The following DHX57 variants were observed in gnomAD, a reference collection of about 807,000 sequenced individuals.
DHX57 encodes the protein putative ATP-dependent RNA helicase DHX57.
In DHX57, 105 loss-of-function variants were observed where a neutral mutation model predicts 156.2. That is an observed-to-expected ratio of 0.67 (90% CI 0.57 to 0.79). DHX57 has a LOEUF of 0.79. Ranked by LOEUF, DHX57 falls within the 30% of genes least tolerant of loss-of-function variation. The pLI is 0.00. For synonymous variants in DHX57, 704 were observed against 595.6 expected, an observed-to-expected ratio of 1.18 and a Z score of -2.65; for missense variants, 1,847 against 1,661.9, an observed-to-expected ratio of 1.11 and a Z score of -1.94.
chr2:38,868,710 A>T (rs1296096357), intron 1 of DHX57, among the ~76,000 whole-genome samples: 3 of 152,248 alleles, frequency 2.0e-5, no homozygotes, highest in African/African-American at 7.2e-5. Context: ...TTCTAAACTA[A>T]AGATGTACAT....
chr2:38,826,664 A>G lies in DHX57; in HGVS notation c.2665T>C (p.Ser889Pro), dbSNP rs913864601. 1.2e-6 allele frequency: 2 copies of G among 1,614,054 alleles called. No homozygotes were observed. Among genetic ancestry groups the G allele is most frequent in the African/African-American group, 2.7e-5 (2 of 74,932 alleles). Residue 889 changes from serine to proline, a missense_variant, in exon 15 of 24, where the codon TCT becomes CCT. Physicochemically the swap from Ser to Pro is moderately conservative, Grantham distance 74. Coordinates refer to ENST00000457308, the MANE Select transcript of DHX57 (RefSeq NM_198963.3). ...GCCTGCTGCTCTTCACTGGATAAAGATGAATGAAGTGGGTGAATAACACAT... is the reference window on the plus strand; with the variant it reads ...GCCTGCTGCTCTTCACTGGATAAAGGTGAATGAAGTGGGTGAATAACACAT... ...NRCVIHPLHSSLSSEEQQAVF... is the reference protein window; with the variant it reads ...NRCVIHPLHSPLSSEEQQAVF...
At position 38,823,057 on chromosome 2, in the gene DHX57, G is replaced by A. The variant is rs1308569448; in HGVS notation, c.3227C>T (p.Ser1076Phe). The change falls in exon 17 of 24, where the codon TCT (serine) becomes TTT (phenylalanine). Residue 1076 changes from serine to phenylalanine, a missense_variant. Transcript: ENST00000457308. ...VRIGKLMLFG[S>F]IFRCLDPALT... ...AGCAGGATCCAAACAGCGGAAGATA[G>A]ACCCAAACAACATTAGTTTGCCAAT... 1 of 1,614,148 alleles carries A rather than the reference G, an allele frequency of 6.2e-7. No homozygotes were observed. Among genetic ancestry groups the A allele is most frequent in the Admixed American group, 1.7e-5 (1 of 59,998 alleles).
At chr2:38,801,312 C>T (rs1470045823) in intron 23 of DHX57, among the ~76,000 whole-genome samples, 1 of 152,202 alleles carries the variant, frequency 6.6e-6, no homozygotes, top group African/African-American at 2.4e-5. Flanking sequence ...GCAATCATGG[C>T]TCACTGAAGC....
At chr2:38,852,711 C>T (rs1672668839) in intron 9 of DHX57, among the ~76,000 whole-genome samples, 1 of 150,196 alleles carries the variant, frequency 6.7e-6, no homozygotes, top group Non-Finnish European at 1.5e-5. Context: ...CACTCCTGAA[C>T]TTAAGCAATC....
chr2:38,812,336 G>A (rs1192153716), intron 21 of DHX57, among the ~76,000 whole-genome samples: 1 of 152,144 alleles, frequency 6.6e-6, no homozygotes, highest in Admixed American at 6.5e-5. Flanking sequence ...CCATAAATCA[G>A]TCAGATGTTA....
chr2:38,813,751 A>G, intron 21 of DHX57, 70 bp downstream of exon 21: 1 of 1,539,626 alleles, frequency 6.5e-7, no homozygotes, highest in Non-Finnish European at 9.0e-7. Context: ...TAATATGCAC[A>G]TCTTAACTTA....
In DHX57 at chr2:38,868,358, T is replaced by G. The variant is rs769574303; in HGVS notation, c.48A>C (p.Gly16=). The G allele has an allele frequency of 6.2e-7, 1 of 1,613,842 alleles. No individual in the cohort carries two copies. The highest frequency in any genetic ancestry group is 2.2e-5 in the East Asian group (1 of 44,890). The change falls in exon 2 of 24, where the codon GGA becomes GGC. Residue 16 remains glycine (G), a synonymous_variant. Transcript: ENST00000457308. ...RRKGKPGKGG[G]KGSSRGGRGG... ...CTCTTCCTCCTCTAGAAGACCCTTT[T>G]CCACCTCCTTTGCCTGGCTTGCCTT...
At chr2:38,808,906 A>G (rs3112212) in intron 21 of DHX57, among the ~76,000 whole-genome samples, 144,207 of 152,060 alleles carry the variant, frequency 0.95, 68,878 homozygotes, top group East Asian at 1. Flanking sequence ...TTGTAGGTAT[A>G]AGCCACCTTA....
At chr2:38,810,600 G>C (rs1356278579) in intron 21 of DHX57, 1 of 612,710 alleles carries the variant, frequency 1.6e-6, no homozygotes, top group Non-Finnish European at 3.1e-6. Context: ...GGCAGAGGAT[G>C]TACACCTGGC....
chr2:38,848,073 ACT>A (rs1160648659), intron 10 of DHX57, among the ~76,000 whole-genome samples, 194 bp downstream of exon 10: 2 of 151,146 alleles, frequency 1.3e-5, no homozygotes, highest in South Asian at 2.1e-4. Flanking sequence ...ACAGAGCGAG[ACT>A]CTGTCTCAAA....
At chr2:38,867,494 T>G (rs1372034037) in intron 2 of DHX57, among the ~76,000 whole-genome samples, 2 of 152,226 alleles carry the variant, frequency 1.3e-5, no homozygotes, top group African/African-American at 4.8e-5. Flanking sequence ...GATGGCTGAT[T>G]TGGCTGGAAA....
Position 38,858,699 on chromosome 2 carries a change from C to T in DHX57, c.1549G>A (p.Glu517Lys). Residue 517 changes from glutamate (E) to lysine (K), a missense_variant, in exon 6 of 24, where the codon GAA becomes AAA. Physicochemically the swap from Glu to Lys is moderately conservative, Grantham distance 56 (BLOSUM62 1). Coordinates refer to ENST00000457308, the MANE Select transcript of DHX57 (RefSeq NM_198963.3). Reference protein sequence around the residue: ...YDWQAKSVHAENGKICKQFRM... With the variant: ...YDWQAKSVHAKNGKICKQFRM... The stretch of plus-strand genomic sequence containing the variant: ...AACTGCTTGCAGATTTTACCATTTT[C>T]AGCATGTACTGACTTTGCCTGCCAG... 6.2e-7 allele frequency: 1 copy of T among 1,613,762 alleles called. No individual in the cohort carries two copies. Among genetic ancestry groups the T allele is most frequent in the Non-Finnish European group, 8.5e-7 (1 of 1,179,938 alleles).
At chr2:38,871,062 G>C (rs1395113763) in intron 1 of DHX57, among the ~76,000 whole-genome samples, 2 of 152,174 alleles carry the variant, frequency 1.3e-5, no homozygotes, top group Non-Finnish European at 2.9e-5. Flanking sequence ...GTTGAGGCAA[G>C]TATCCCTGGA....
In DHX57 at chr2:38,861,523, T is replaced by C. The variant is rs766465347; in HGVS notation, c.887A>G (p.Asn296Ser). 3.7e-6 allele frequency: 6 copies of C among 1,614,070 alleles called. No individual in the cohort carries two copies. The highest frequency in any genetic ancestry group is 5.1e-6 in the Non-Finnish European group (6 of 1,180,034). Residue 296 changes from asparagine (N) to serine (S), a missense_variant, in exon 5 of 24, where the codon AAT becomes AGT. Coordinates refer to ENST00000457308, the MANE Select transcript of DHX57 (RefSeq NM_198963.3). ...GATTTCAAGTGAATTCTCTTGTACA[T>C]TTTTGGTACTTTCTTTTGGCTTGGA... ...RKSKPKESTK[N>S]VQENSLEICK...
At chr2:38,798,551 T>G in intron 23 of DHX57, 109 bp from the exon 24 acceptor site, 1 of 1,286,126 alleles carries the variant, frequency 7.8e-7, no homozygotes, top group Non-Finnish European at 1.1e-6. Context: ...CTGGTACTAA[T>G]TTTAACTCCA....
chr2:38,804,912 C>A (rs972534205), intron 22 of DHX57, among the ~76,000 whole-genome samples: 3 of 152,148 alleles, frequency 2.0e-5, no homozygotes, highest in African/African-American at 7.2e-5. Context: ...CTCTATTTTG[C>A]TTTATAGCAT....
chr2:38,801,257 T>C (rs559507777), intron 23 of DHX57, among the ~76,000 whole-genome samples: 116 of 152,174 alleles, frequency 7.6e-4, no homozygotes, highest in Non-Finnish European at 1.5e-3. Flanking sequence ...ATTTCTTTTT[T>C]TGGGACAGAG....
chr2:38,848,191 T>A (rs1206907478), intron 10 of DHX57, 78 bp downstream of exon 10: 3 of 1,373,210 alleles, frequency 2.2e-6, no homozygotes, highest in African/African-American at 1.5e-5. Context: ...GGTATAAATA[T>A]CTACTTATGT....
At chr2:38,856,673 G>T in intron 6 of DHX57, 1 of 414,826 alleles carries the variant, frequency 2.4e-6, no homozygotes. Context: ...CCGGCTTTTT[G>T]TATTTTTTTG....
Sources: allele counts gnomAD v4.1 joint callset (sites outside exome capture counted in the v4.1 genomes callset), GRCh38; gene constraint gnomAD v4.1.1; transcripts MANE v1.5; gene names NCBI Gene and HGNC (gene_info 2026-07-23, HGNC 2026-07-21).